Variants in STT3B observed in about 807,000 individuals in gnomAD.
The protein encoded by STT3B is STT3 oligosaccharyltransferase complex catalytic subunit B.
In STT3B, 29 loss-of-function variants were observed where a neutral mutation model predicts 96.8. That is an observed-to-expected ratio of 0.30 (90% CI 0.22 to 0.41). The LOEUF (loss-of-function observed/expected upper bound fraction) is 0.41. Ranked by LOEUF, STT3B falls within the 10% of genes least tolerant of loss-of-function variation. The probability of loss-of-function intolerance (pLI) is 1.00; values close to 1 mark genes in which losing one functional copy is unlikely to be tolerated. For missense variants in STT3B, 640 were observed against 1,022.3 expected, an observed-to-expected ratio of 0.63 and a Z score of 5.10; for synonymous variants, 367 against 360.0, an observed-to-expected ratio of 1.02 and a Z score of -0.22.
rs1347529045 is a variant in STT3B, at chr3:31,617,051, A to G, written c.1099A>G (p.Ser367Gly). 1 of 1,609,368 alleles carries G rather than the reference A, an allele frequency of 6.2e-7. No individual in the cohort carries two copies. Among genetic ancestry groups the G allele is most frequent in the Admixed American group, 1.7e-5 (1 of 59,990 alleles). The change falls in exon 7 of 16, where the codon AGT becomes GGT. Residue 367 changes from serine (S) to glycine (G), a missense_variant. Ser to Gly is a moderately conservative substitution (Grantham distance 56). This residue lies in a region of STT3B where 267 missense variants were observed against 388.3 expected (regional missense o/e 0.69). Coordinates refer to ENST00000295770, the MANE Select transcript of STT3B (RefSeq NM_178862.3). ...VSLAAGAVFL[S>G]VIYLTYTGYI... ...ACTAGCTGCAGGTGCTGTGTTCCTT[A>G]GTGTCATCTATTTGACTTATACAGG...
intron 5 of STT3B, among the ~76,000 whole-genome samples, chr3:31,603,007 G>A (rs1698965896): frequency 6.6e-6 from 1 of 152,008 alleles, no homozygotes; most frequent in African/African-American, 2.4e-5. Flanking sequence ...AAAAACTATG[G>A]AAGCATTGTA....
chr3:31,548,739 C>A (rs199501641), intron 1 of STT3B, among the ~76,000 whole-genome samples: 1 of 152,082 alleles, frequency 6.6e-6, no homozygotes, highest in African/African-American at 2.4e-5. Flanking sequence ...AACCTTCCCC[C>A]CTTTGAGGGA....
chr3:31,576,665 G>A (rs1217007286), intron 2 of STT3B, among the ~76,000 whole-genome samples, 161 bp downstream of exon 2: 1 of 152,008 alleles, frequency 6.6e-6, no homozygotes, highest in Non-Finnish European at 1.5e-5. Context: ...CTCTTTTCTT[G>A]ATACCTCCTC....
intron 1 of STT3B, among the ~76,000 whole-genome samples, chr3:31,548,601 A>G (rs1481163450): frequency 6.6e-6 from 1 of 152,162 alleles, no homozygotes. Flanking sequence ...CCTATAGTTC[A>G]GTATTGACCA....
At chr3:31,547,393 C>T (rs918719419) in intron 1 of STT3B, among the ~76,000 whole-genome samples, 6 of 152,152 alleles carry the variant, frequency 3.9e-5, no homozygotes, top group African/African-American at 1.4e-4. Context: ...TGCGGTGGCT[C>T]ACACCTGTCA....
In STT3B at chr3:31,542,498, G is replaced by A. The variant is rs1268976650; in HGVS notation, c.314+9186G>A. Among the ~76,000 whole-genome samples, 3 of 152,198 alleles carry A rather than the reference G, an allele frequency of 2.0e-5. No homozygotes were observed. The East Asian group carries it at 5.8e-4, about 29-fold the overall frequency. On this transcript the variant is annotated intron_variant, in intron 1 of 15. Transcript: ENST00000295770. The stretch of plus-strand genomic sequence containing the variant: ...TTTGTTGAAGAAAAATTTAAATCTA[G>A]GACTGTCTTTCTTCAAACTCTGTTT...
At position 31,600,342 on chromosome 3, in the gene STT3B, G is replaced by T; in HGVS notation, c.778-18G>T. On this transcript the variant is annotated intron_variant, in intron 4 of 15. Transcript: ENST00000295770. The stretch of plus-strand genomic sequence containing the variant: ...AAAGTAAAAATATATATTTAACTTA[G>T]CACTTCTTTTCCTATAGGTCTCTGC... The T allele has an allele frequency of 8.9e-7, 1 of 1,120,000 alleles. No individual in the cohort carries two copies. Among genetic ancestry groups the T allele is most frequent in the Non-Finnish European group, 1.3e-6 (1 of 759,530 alleles). The allele number at this position is 1,120,000 out of a possible 1,614,324, so 69.4% of individuals were successfully genotyped here.
chr3:31,563,318 C>T (rs1697925810), intron 1 of STT3B, among the ~76,000 whole-genome samples: 1 of 152,240 alleles, frequency 6.6e-6, no homozygotes, highest in South Asian at 2.1e-4. Flanking sequence ...ATGGTGAGTG[C>T]CTTTAACATT....
At chr3:31,596,094 A>AT (rs1698786580) in intron 3 of STT3B, among the ~76,000 whole-genome samples, 1 of 152,210 alleles carries the variant, frequency 6.6e-6, no homozygotes, top group Non-Finnish European at 1.5e-5. Context: ...GTGTATTAGT[A>AT]AATACTGAAA....
chr3:31,558,274 T>C (rs1697772117), intron 1 of STT3B, among the ~76,000 whole-genome samples: 1 of 152,202 alleles, frequency 6.6e-6, no homozygotes, highest in Non-Finnish European at 1.5e-5. Context: ...GTGGAAAGGC[T>C]TTCAACTTTT....
intron 1 of STT3B, among the ~76,000 whole-genome samples, chr3:31,559,349 A>ACTTATCT (rs56966773): frequency 0.47 from 69,478 of 148,746 alleles, 18,046 homozygotes; most frequent in African/African-American, 0.69. Flanking sequence ...ATTGCTATAA[A>ACTTATCT]CTTAGCATGG....
intron 1 of STT3B, among the ~76,000 whole-genome samples, chr3:31,537,339 A>G (rs554673721): frequency 1.3e-5 from 2 of 152,356 alleles, no homozygotes; most frequent in Admixed American, 6.5e-5. Context: ...GAAGAAGACA[A>G]ATTGGTAGCC....
chr3:31,564,223 C>A (rs755444359), intron 1 of STT3B, among the ~76,000 whole-genome samples: 2 of 152,162 alleles, frequency 1.3e-5, no homozygotes, highest in Non-Finnish European at 2.9e-5. Flanking sequence ...GGCACTAAAT[C>A]ACTTTGCTCG....
intron 4 of STT3B, among the ~76,000 whole-genome samples, chr3:31,598,542 A>G (rs1328221001): frequency 6.6e-6 from 1 of 152,182 alleles, no homozygotes; most frequent in African/African-American, 2.4e-5. Flanking sequence ...CCTTAAAGTA[A>G]ATGAAGGAAA....
At chr3:31,617,654 CT>C (rs1160560098) in intron 7 of STT3B, among the ~76,000 whole-genome samples, 3 of 151,798 alleles carry the variant, frequency 2.0e-5, no homozygotes, top group African/African-American at 7.3e-5. Context: ...ATGCCTTAGC[CT>C]TATTAGTCAA....
chr3:31,579,327 T>A (rs1053119480), intron 2 of STT3B, among the ~76,000 whole-genome samples: 1 of 151,764 alleles, frequency 6.6e-6, no homozygotes, highest in Non-Finnish European at 1.5e-5. Context: ...GGAGGGAACA[T>A]TTTTTTATAA....
intron 1 of STT3B, among the ~76,000 whole-genome samples, chr3:31,543,225 GC>G (rs1185594397): frequency 1.3e-5 from 2 of 152,034 alleles, no homozygotes; most frequent in Non-Finnish European, 2.9e-5. Context: ...GGCTAACTAG[GC>G]CAGAGCCATT....
At chr3:31,569,904 A>C (rs1698098353) in intron 1 of STT3B, among the ~76,000 whole-genome samples, 1 of 151,986 alleles carries the variant, frequency 6.6e-6, no homozygotes, top group Admixed American at 6.6e-5. Context: ...AAATCATATA[A>C]ATTTTATAAG....
rs1450129545 is a variant in STT3B at position 31,532,928 on chromosome 3, C to T, written c.-71C>T. 99 of 1,496,514 alleles carry T rather than the reference C, an allele frequency of 6.6e-5. No individual in the cohort carries two copies. The highest frequency in any genetic ancestry group is 8.3e-5 in the Non-Finnish European group (94 of 1,126,418). 92.7% of individuals were successfully genotyped at this position (1,496,514 alleles called of 1,614,324 possible). ...CCTCCTCCTCCTCCTCCTCCGGGTC[C>T]CCGCCCAGCACCCCTCGCACCAGGC... On this transcript the variant is annotated 5_prime_UTR_variant, in exon 1 of 16. Transcript: ENST00000295770.
Sources: allele counts gnomAD v4.1 joint callset (sites outside exome capture counted in the v4.1 genomes callset), GRCh38; gene constraint gnomAD v4.1.1; regional missense constraint gnomAD v4.1.1; transcripts MANE v1.5; gene names NCBI Gene and HGNC (gene_info 2026-07-23, HGNC 2026-07-21).